Variants in EFCAB5 observed in about 807,000 individuals in gnomAD.
EFCAB5 encodes the protein EF-hand calcium-binding domain-containing protein 5.
EFCAB5 carries 131 observed loss-of-function variants against 167.9 expected under a neutral mutation model. The ratio of observed to expected loss-of-function variants is 0.78; its 90% CI spans 0.68 to 0.90. The LOEUF (loss-of-function observed/expected upper bound fraction) is 0.90, where lower values mean the gene tolerates loss of function less well. Ranked by LOEUF, EFCAB5 falls within the 40% of genes least tolerant of loss-of-function variation. EFCAB5 has a pLI of 0.00. For missense variants in EFCAB5, 1,663 were observed against 1,745.2 expected, an observed-to-expected ratio of 0.95 and a Z score of 0.84; for synonymous variants, 574 against 602.8, an observed-to-expected ratio of 0.95 and a Z score of 0.70.
At chr17:30,022,055 A>T (rs2069192674) in intron 7 of EFCAB5, among the ~76,000 whole-genome samples, 1 of 152,156 alleles carries the variant, frequency 6.6e-6, no homozygotes, top group South Asian at 2.1e-4. Flanking sequence ...AGATGCCTTC[A>T]TATTCCTACC....
intron 7 of EFCAB5, among the ~76,000 whole-genome samples, chr17:30,021,606 C>T (rs1408951322): frequency 6.6e-6 from 1 of 151,700 alleles, no homozygotes. Context: ...CCCACTTTCT[C>T]TTCTTGAAGT....
chr17:30,044,272 G>A (rs576270735), intron 8 of EFCAB5, among the ~76,000 whole-genome samples: 11 of 152,068 alleles, frequency 7.2e-5, no homozygotes, highest in Admixed American at 2.0e-4. Flanking sequence ...TAAACCTACT[G>A]GAATGAATAA....
rs1383652304 is a variant in EFCAB5, at chr17:30,107,902, A to G, written c.4390A>G (p.Ile1464Val). ...TGAACATCTATACCACTGGATACAC[A>G]TCTGTTCAGCTCTCATGAAGATAAC... Reference protein sequence around the residue: ...VIEHLYHWIHICSALMKITKQ... With the variant: ...VIEHLYHWIHVCSALMKITKQ... The change falls in exon 23 of 23, where the codon ATC (isoleucine) becomes GTC (valine). Residue 1464 changes from isoleucine to valine, a missense_variant. By Grantham distance (29) the Ile-to-Val change is conservative. Coordinates refer to ENST00000394835, the MANE Select transcript of EFCAB5 (RefSeq NM_198529.4). The G allele has an allele frequency of 6.2e-7, 1 of 1,610,608 alleles. No individual in the cohort carries two copies. The highest frequency in any genetic ancestry group is 1.3e-5 in the African/African-American group (1 of 74,750).
chr17:29,959,269 A>G (rs2067675574), intron 3 of EFCAB5, among the ~76,000 whole-genome samples: 2 of 151,960 alleles, frequency 1.3e-5, no homozygotes, highest in African/African-American at 4.8e-5. Context: ...GAGTCTAGAA[A>G]TGCTGTCCAG....
At chr17:30,067,849 G>C (rs372851894) in intron 14 of EFCAB5, among the ~76,000 whole-genome samples, 6 of 152,192 alleles carry the variant, frequency 3.9e-5, no homozygotes, top group Admixed American at 6.5e-5. Context: ...AGTTAGGAAA[G>C]AGACAGAAAT....
intron 7 of EFCAB5, among the ~76,000 whole-genome samples, chr17:30,027,359 C>G (rs1306412236): frequency 8.0e-5 from 11 of 137,692 alleles, no homozygotes; most frequent in Non-Finnish European, 1.5e-4. Flanking sequence ...GGCAAAGTAG[C>G]ATATTTGGGG....
intron 9 of EFCAB5, 32 bp from the exon 10 acceptor site, chr17:30,053,223 G>A (rs2070150257): frequency 6.4e-7 from 1 of 1,551,996 alleles, no homozygotes; most frequent in Non-Finnish European, 8.7e-7. Context: ...TAAGATCAAT[G>A]GTTTAAGTGA....
At chr17:30,061,465 T>C (rs963002359) in intron 14 of EFCAB5, among the ~76,000 whole-genome samples, 1 of 152,228 alleles carries the variant, frequency 6.6e-6, no homozygotes, top group African/African-American at 2.4e-5. Context: ...GGGATTTAAA[T>C]AGCTTAAAAT....
At position 30,091,986 on chromosome 17, in the gene EFCAB5, G is replaced by T. The variant is rs1344608535; in HGVS notation, c.4053G>T (p.Leu1351Phe). The change falls in exon 21 of 23, where the codon TTG becomes TTT. Residue 1351 changes from leucine (L) to phenylalanine (F), a missense_variant. Coordinates refer to ENST00000394835, the MANE Select transcript of EFCAB5 (RefSeq NM_198529.4). ...LLNSMEFVSLLLYDHTLVTEP... is the reference protein window; with the variant it reads ...LLNSMEFVSLFLYDHTLVTEP... ...ATTCCATGGAATTTGTGTCACTGTT[G>T]CTCTATGACCATACTCTTGTAACAG... 1 of 1,613,918 alleles carries T rather than the reference G, an allele frequency of 6.2e-7. No individual in the cohort carries two copies. Among genetic ancestry groups the T allele is most frequent in the South Asian group, 1.1e-5 (1 of 91,080 alleles).
chr17:30,091,667 T>A (rs2071199571), intron 20 of EFCAB5, among the ~76,000 whole-genome samples: 1 of 152,256 alleles, frequency 6.6e-6, no homozygotes, highest in African/African-American at 2.4e-5. Context: ...AGCCTCTTCC[T>A]ATGAGCTTCA....
chr17:30,053,619 A>G lies in EFCAB5; in HGVS notation c.1665A>G (p.Glu555=), dbSNP rs1164555303. ...GAACACACACAGAGTCAACTCTAGA[A>G]CAAGGGTCAAGTAGAAGGTTACTGA... ...EPGTHTESTL[E]QGSSRRLLTE... is the part of the protein sequence containing the mutation. Residue 555 remains glutamate (E), a synonymous_variant, in exon 10 of 23, where the codon GAA becomes GAG. Coordinates refer to ENST00000394835, the MANE Select transcript of EFCAB5 (RefSeq NM_198529.4). The G allele has an allele frequency of 6.2e-7, 1 of 1,613,966 alleles. No homozygotes were observed. The highest frequency in any genetic ancestry group is 1.1e-5 in the South Asian group (1 of 91,084).
At chr17:29,930,182 C>T in intron 1 of EFCAB5, 2 of 588,682 alleles carry the variant, frequency 3.4e-6, no homozygotes, top group Non-Finnish European at 5.8e-6. Flanking sequence ...CCGACTGACG[C>T]TCCGAACGGG....
intron 3 of EFCAB5, among the ~76,000 whole-genome samples, chr17:29,952,219 T>C (rs368688991): frequency 1.1e-4 from 17 of 152,164 alleles, no homozygotes; most frequent in African/African-American, 3.6e-4. Context: ...GCTAGTTCCC[T>C]CCAGCCCTTT....
intron 22 of EFCAB5, among the ~76,000 whole-genome samples, chr17:30,097,998 A>G (rs2151856307): frequency 6.6e-6 from 1 of 152,222 alleles, no homozygotes; most frequent in Non-Finnish European, 1.5e-5. Flanking sequence ...GCAGTGCCAC[A>G]ATCACAGCTC....
chr17:30,047,508 CT>C (rs2069960746), intron 8 of EFCAB5, among the ~76,000 whole-genome samples: 1 of 152,102 alleles, frequency 6.6e-6, no homozygotes, highest in Admixed American at 6.6e-5. Flanking sequence ...ACAAGTCCCA[CT>C]AGTCAAAGTT....
chr17:30,101,252 G>A (rs1597577625), intron 22 of EFCAB5, among the ~76,000 whole-genome samples: 1 of 152,234 alleles, frequency 6.6e-6, no homozygotes, highest in East Asian at 1.9e-4. Context: ...TGGAGGTCAA[G>A]AAGAGAAGCA....
chr17:30,064,493 TGAAAAAGAGTGAA>T (rs1165428943), intron 14 of EFCAB5, among the ~76,000 whole-genome samples: 1 of 151,832 alleles, frequency 6.6e-6, no homozygotes, highest in Non-Finnish European at 1.5e-5. Context: ...GAAATAAGAA[TGAAAAAGAGTGAA>T]GAAAGCCTAC....
intron 22 of EFCAB5, among the ~76,000 whole-genome samples, chr17:30,101,456 G>A (rs1454034167): frequency 2.0e-5 from 3 of 152,242 alleles, no homozygotes; most frequent in African/African-American, 4.8e-5. Flanking sequence ...TGGAGAACAC[G>A]TAGGTGGAGC....
At chr17:29,967,155 TTC>T (rs2067846143) in intron 3 of EFCAB5, among the ~76,000 whole-genome samples, 2 of 152,232 alleles carry the variant, frequency 1.3e-5, no homozygotes, top group African/African-American at 4.8e-5. Flanking sequence ...GCATTAGTTA[TTC>T]TGTTTGTTGA....
Sources: allele counts gnomAD v4.1 joint callset (sites outside exome capture counted in the v4.1 genomes callset), GRCh38; gene constraint gnomAD v4.1.1; transcripts MANE v1.5; gene names NCBI Gene and HGNC (gene_info 2026-07-23, HGNC 2026-07-21).